The following CATSPERG variants were observed in gnomAD, a reference collection of about 807,000 sequenced individuals.
CATSPERG encodes the protein cation channel sperm-associated auxiliary subunit gamma.
A neutral mutation model predicts 145.0 loss-of-function variants in CATSPERG; 115 were observed. That is an observed-to-expected ratio of 0.79 (90% CI 0.68 to 0.93). The LOEUF (loss-of-function observed/expected upper bound fraction) is 0.93, where lower values mean the gene tolerates loss of function less well. Among genes scored for constraint, CATSPERG ranks in the 40% least tolerant of loss-of-function variants. The pLI, the probability that CATSPERG is intolerant of heterozygous loss-of-function variation, is 0.00. For missense variants in CATSPERG, 1,296 were observed against 1,490.1 expected, an observed-to-expected ratio of 0.87 and a Z score of 2.14; for synonymous variants, 588 against 589.0, an observed-to-expected ratio of 1.00 and a Z score of 0.02.
rs774060715 is a variant in CATSPERG at position 38,354,770 on chromosome 19, A to T, written c.1058A>T (p.His353Leu). 6.3e-5 allele frequency: 101 copies of T among 1,614,038 alleles called. No homozygotes were observed. The highest frequency in any genetic ancestry group is 8.4e-5 in the Non-Finnish European group (99 of 1,180,038). ...CIKKLCPVYF[H>L]SNGSEYIMAL... ...AAGAAGCTGTGCCCTGTGTATTTCC[A>T]TAGCAATGGCTCTGAGTACATAATG... Residue 353 changes from histidine (H) to leucine (L), a missense_variant, in exon 9 of 29, where the codon CAT becomes CTT. Transcript: ENST00000409235.
rs1314055556 is a variant in CATSPERG, at chr19:38,337,617, C to T, written c.295C>T (p.Leu99=). 1.3e-6 allele frequency: 2 copies of T among 1,551,644 alleles called. No individual in the cohort carries two copies. The highest frequency in any genetic ancestry group is 3.9e-5 in the Admixed American group (2 of 50,986). The part of the protein sequence containing the change: ...SEKYLGFPYY[L]KINYSCEEKP... ...GAAATACCTGGGCTTCCCTTACTAC[C>T]TGAAGATCAACTACTCCTGCGAGGA... The change falls in exon 3 of 29, where the codon CTG becomes TTG. Residue 99 remains leucine, a synonymous_variant. Transcript: ENST00000409235.
intron 14 of CATSPERG, chr19:38,359,852 C>T (rs1970313535): frequency 3.4e-6 from 4 of 1,182,256 alleles, no homozygotes; most frequent in African/African-American, 3.1e-5. Context: ...AAATATTGAG[C>T]ATTTACTGTG....
chr19:38,365,172 A>C, intron 22 of CATSPERG, 55 bp downstream of exon 22: 6 of 1,461,016 alleles, frequency 4.1e-6, no homozygotes, highest in Non-Finnish European at 5.8e-6. Context: ...GTCGGGTCTC[A>C]ACAGGGCTAA....
At chr19:38,354,673 A>G in intron 8 of CATSPERG, 37 bp from the exon 9 acceptor site, 2 of 1,608,648 alleles carry the variant, frequency 1.2e-6, no homozygotes, top group Non-Finnish European at 1.7e-6. Flanking sequence ...CCCAGATCCA[A>G]CCACCTGGGT....
chr19:38,367,310 A>C lies in CATSPERG; in HGVS notation c.2768A>C (p.Asp923Ala), dbSNP rs1791603796. 6.2e-7 allele frequency: 1 copy of C among 1,610,620 alleles called. No homozygotes were observed. The highest frequency in any genetic ancestry group is 8.5e-7 in the Non-Finnish European group (1 of 1,179,344). Residue 923 changes from aspartate to alanine, a missense_variant and splice_region_variant, in exon 23 of 29, where the codon GAC (aspartate) becomes GCC (alanine). Coordinates refer to ENST00000409235, the MANE Select transcript of CATSPERG (RefSeq NM_021185.5). ...NPEMPCFLFR[D>A]IFYPFFLIQD... Reference sequence around the variant, plus strand: ...GAGATGCCCTGCTTTCTCTTCCGGGACAGTGTGTGTCCAGTCCCTTCCCCT... The same window carrying C: ...GAGATGCCCTGCTTTCTCTTCCGGGCCAGTGTGTGTCCAGTCCCTTCCCCT...
chr19:38,337,269 C>T lies in CATSPERG; in HGVS notation c.35C>T (p.Pro12Leu). 1 of 1,551,454 alleles carries T rather than the reference C, an allele frequency of 6.4e-7. No individual in the cohort carries two copies. The highest frequency in any genetic ancestry group is 8.7e-7 in the Non-Finnish European group (1 of 1,147,010). Residue 12 changes from proline to leucine, a missense_variant, in exon 2 of 29, where the codon CCG (proline) becomes CTG (leucine). Pro to Leu is a moderately conservative substitution (Grantham distance 98). Coordinates refer to ENST00000409235, the MANE Select transcript of CATSPERG (RefSeq NM_021185.5). ...CCAGCCATGTTCCCTGCCGGTCCTC[C>T]GTGGCCCAGAGTCCGAGTCGTGCAG... ...CGPAMFPAGP[P>L]WPRVRVVQVL...
In CATSPERG at chr19:38,358,091, C is replaced by G. The variant is rs1043510246; in HGVS notation, c.1316-187C>G. 8.2e-6 allele frequency: 5 copies of G among 612,852 alleles called. No homozygotes were observed. In the African/African-American group the frequency reaches 9.3e-5, roughly 11 times the overall value. The allele number at this position is 612,852 out of a possible 1,614,324, so 38.0% of individuals were successfully genotyped here. A position where few individuals can be genotyped will look rare whatever the true frequency, so the allele number is the denominator to read the frequency against. On this transcript the variant is annotated intron_variant, in intron 11 of 28. Coordinates refer to ENST00000409235, the MANE Select transcript of CATSPERG (RefSeq NM_021185.5). ...TGAGATCACACCACTGCACTCCAGC[C>G]TGGGCGACAGGGAGATCCTGTCTCA...
At chr19:38,365,718 T>G (rs1970437217) in intron 22 of CATSPERG, 1 of 150,858 alleles carries the variant, frequency 6.6e-6, no homozygotes, top group Non-Finnish European at 1.5e-5. Context: ...TGTTTTTTGT[T>G]TTTTTTTTAA....
intron 28 of CATSPERG, 58 bp downstream of exon 28, chr19:38,370,316 C>G (rs555854310): frequency 2.0e-6 from 3 of 1,518,682 alleles, no homozygotes; most frequent in African/African-American, 1.4e-5. Flanking sequence ...GCCTCCATAC[C>G]TATGCTTGTT....
At chr19:38,357,809 G>A (rs560200012) in intron 11 of CATSPERG, among the ~76,000 whole-genome samples, 2 of 152,236 alleles carry the variant, frequency 1.3e-5, no homozygotes, top group Middle Eastern at 3.4e-3. Flanking sequence ...AAAATTAGTC[G>A]GGCATGATGG....
At chr19:38,342,639 A>G (rs1199195054) in intron 3 of CATSPERG, among the ~76,000 whole-genome samples, 1 of 151,370 alleles carries the variant, frequency 6.6e-6, no homozygotes, top group African/African-American at 2.4e-5. Context: ...AGCCTGGCAA[A>G]GAAAGTAAAG....
rs757372986 is a variant in CATSPERG at position 38,356,792 on chromosome 19, C to T, written c.1246C>T (p.Leu416=). 6.2e-7 allele frequency: 1 copy of T among 1,614,172 alleles called. No individual in the cohort carries two copies. Among genetic ancestry groups the T allele is most frequent in the Non-Finnish European group, 8.5e-7 (1 of 1,180,012 alleles). Residue 416 remains leucine, a synonymous_variant, in exon 11 of 29, where the codon CTA becomes TTA. Coordinates refer to ENST00000409235, the MANE Select transcript of CATSPERG (RefSeq NM_021185.5). ...TGAATACATCGCGGGTGAGTATACT[C>T]TACTGCTGCTGGTGGAGAGTGGATA... ...WSEYIAGEYT[L]LLLVESGYGN...
intron 14 of CATSPERG, chr19:38,360,269 A>AT (rs1277641624): frequency 6.1e-6 from 6 of 985,178 alleles, no homozygotes; most frequent in Non-Finnish European, 7.2e-6. Context: ...GAAAAAAGTG[A>AT]TCATAGTGTG....
chr19:38,358,170 C>A, intron 11 of CATSPERG, 108 bp from the exon 12 acceptor site: 2 of 1,062,880 alleles, frequency 1.9e-6, no homozygotes, highest in African/African-American at 1.6e-5. Flanking sequence ...GAGTGGGAAG[C>A]TCTTTGGAGG....
rs191612036 is a variant in CATSPERG at position 38,367,460 on chromosome 19, G to A, written c.2771-49G>A. 85 of 1,589,604 alleles carry A rather than the reference G, an allele frequency of 5.3e-5. 1 individual carries two copies. In the East Asian group the frequency reaches 1.3e-3, roughly 23 times the overall value. On this transcript the variant is annotated intron_variant, in intron 23 of 28. Transcript: ENST00000409235. ...CCCCCGTCTCGGTCCTCAGCTTCTC[G>A]GGCCAAGCTAATTTCTTCTTCTGGT... is the stretch of plus-strand genomic sequence containing the variant.
intron 7 of CATSPERG, among the ~76,000 whole-genome samples, chr19:38,350,802 A>G (rs1273406983): frequency 1.3e-5 from 2 of 152,158 alleles, no homozygotes; most frequent in African/African-American, 4.8e-5. Context: ...CAGCCTGGCC[A>G]ACATGGTGAA....
At chr19:38,340,613 C>G (rs1375263449) in intron 3 of CATSPERG, among the ~76,000 whole-genome samples, 1 of 151,636 alleles carries the variant, frequency 6.6e-6, no homozygotes, top group African/African-American at 2.4e-5. Context: ...AGCCACCGCG[C>G]CCGGCCAATA....
At position 38,364,935 on chromosome 19, in the gene CATSPERG, T is replaced by G. The variant is rs1382017344; in HGVS notation, c.2520T>G (p.Ser840Arg). Residue 840 changes from serine to arginine, a missense_variant, in exon 21 of 29, where the codon AGT becomes AGG. Ser to Arg is a moderately radical substitution (Grantham distance 110). Coordinates refer to ENST00000409235, the MANE Select transcript of CATSPERG (RefSeq NM_021185.5). The part of the protein sequence containing the change: ...DKKLCYDQGI[S>R]GHHLMETSMT... The stretch of plus-strand genomic sequence containing the variant: ...AGCTTTGCTATGACCAAGGCATTAG[T>G]GGACATCACCTTATGGAGACTTCCA... 6.2e-7 allele frequency: 1 copy of G among 1,614,030 alleles called. No homozygotes were observed. The highest frequency in any genetic ancestry group is 8.5e-7 in the Non-Finnish European group (1 of 1,179,986).
intron 1 of CATSPERG, 161 bp from the exon 2 acceptor site, chr19:38,337,060 C>G: frequency 1.2e-6 from 1 of 820,396 alleles, no homozygotes; most frequent in Non-Finnish European, 1.9e-6. Context: ...GGAGCAAGAG[C>G]AGGGGCGGGA....
Sources: allele counts gnomAD v4.1 joint callset (sites outside exome capture counted in the v4.1 genomes callset), GRCh38; gene constraint gnomAD v4.1.1; transcripts MANE v1.5; gene names NCBI Gene and HGNC (gene_info 2026-07-23, HGNC 2026-07-21).